Variants in NME8 observed in about 807,000 individuals in gnomAD.
The protein encoded by NME8 is protein NME8.
A neutral mutation model predicts 82.3 loss-of-function variants in NME8; 72 were observed. The ratio of observed to expected loss-of-function variants is 0.87; its 90% confidence interval spans 0.72 to 1.06. NME8 has a LOEUF of 1.06. Ranked by LOEUF, NME8 falls within the 50% of genes least tolerant of loss-of-function variation. The pLI is 0.00. For synonymous variants in NME8, 267 were observed against 228.5 expected, an observed-to-expected ratio of 1.17 and a Z score of -1.52; for missense variants, 712 against 685.4, an observed-to-expected ratio of 1.04 and a Z score of -0.43.
chr7:37,854,582 G>A (rs1354440207), intron 5 of NME8, among the ~76,000 whole-genome samples: 1 of 152,138 alleles, frequency 6.6e-6, no homozygotes, highest in African/African-American at 2.4e-5. Flanking sequence ...AAGGGTCCAT[G>A]TCATAAATGA....
At chr7:37,875,958 A>C (rs1002494916) in intron 11 of NME8, among the ~76,000 whole-genome samples, 34 of 152,170 alleles carry the variant, frequency 2.2e-4, no homozygotes, top group African/African-American at 6.8e-4. Flanking sequence ...CTATAATCCC[A>C]GCACTTTGGG....
chr7:37,884,283 A>G lies in NME8; in HGVS notation c.995-20A>G. 1 of 1,494,268 alleles carries G rather than the reference A, an allele frequency of 6.7e-7. No homozygotes were observed. Among genetic ancestry groups the G allele is most frequent in the Non-Finnish European group, 9.3e-7 (1 of 1,071,706 alleles). The allele number at this position is 1,494,268 out of a possible 1,614,324, so 92.6% of individuals were successfully genotyped here. ...GTAATCTACCAGTTTAAAACTTATT[A>G]TGTAACTGTTTTTATTTAGATGATG... On this transcript the variant is annotated intron_variant, in intron 12 of 17. Transcript: ENST00000199447.
chr7:37,871,302 G>A (rs1026474466), intron 11 of NME8, among the ~76,000 whole-genome samples: 9 of 152,180 alleles, frequency 5.9e-5, no homozygotes, highest in Non-Finnish European at 1.3e-4. Flanking sequence ...GGTGGGGGAA[G>A]AGCCAGGGAA....
chr7:37,897,804 T>G (rs747941333), intron 17 of NME8, among the ~76,000 whole-genome samples: 3 of 152,142 alleles, frequency 2.0e-5, no homozygotes, highest in Admixed American at 1.3e-4. Flanking sequence ...CTGAAGATGG[T>G]GACTTCCAGT....
intron 12 of NME8, among the ~76,000 whole-genome samples, chr7:37,878,302 C>T (rs1285020775): frequency 6.6e-6 from 1 of 152,048 alleles, no homozygotes. Context: ...CAGAAAAATC[C>T]CACTTGGCTG....
chr7:37,882,593 AAGAAAGAGAGAGAGAGAG>A (rs1243357906), intron 12 of NME8, among the ~76,000 whole-genome samples: 16 of 51,856 alleles, frequency 3.1e-4, no homozygotes, highest in South Asian at 2.8e-3. Flanking sequence ...GAAAGAAAGA[AAGAAAGAGAGAGAGAGAG>A]AGAGAAAGAA....
chr7:37,889,410 T>C (rs890526319), intron 15 of NME8, among the ~76,000 whole-genome samples: 2 of 151,712 alleles, frequency 1.3e-5, no homozygotes, highest in Non-Finnish European at 2.9e-5. Context: ...TTTTCTTATG[T>C]TCTTCTAGCT....
chr7:37,849,869 C>CAAA (rs869133999), intron 2 of NME8, among the ~76,000 whole-genome samples: 1 of 39,892 alleles, frequency 2.5e-5, no homozygotes. Flanking sequence ...GACTATGTCT[C>CAAA]AAAAAAAAAA....
chr7:37,861,834 G>A (rs1784601312), intron 6 of NME8, among the ~76,000 whole-genome samples, 194 bp from the exon 7 acceptor site: 1 of 152,174 alleles, frequency 6.6e-6, no homozygotes, highest in South Asian at 2.1e-4. Flanking sequence ...AGAACTCAAA[G>A]AGCTGAGTTT....
At chr7:37,894,060 T>C (rs924444485) in intron 15 of NME8, among the ~76,000 whole-genome samples, 2 of 152,192 alleles carry the variant, frequency 1.3e-5, no homozygotes, top group African/African-American at 4.8e-5. Context: ...TTTGTTTAAT[T>C]CCCTCGATGG....
At chr7:37,896,767 A>G (rs2131977473) in intron 16 of NME8, 103 bp from the exon 17 acceptor site, 1 of 935,196 alleles carries the variant, frequency 1.1e-6, no homozygotes, top group East Asian at 2.4e-5. Flanking sequence ...AAAGAATAAA[A>G]AGGAGCTCCC....
intron 5 of NME8, among the ~76,000 whole-genome samples, chr7:37,853,821 T>C (rs1784471232): frequency 6.6e-6 from 1 of 152,034 alleles, no homozygotes; most frequent in African/African-American, 2.4e-5. Context: ...AGTATACAAT[T>C]TTTTTCTGCT....
At chr7:37,852,697 A>G (rs1435667812) in intron 5 of NME8, among the ~76,000 whole-genome samples, 1 of 152,136 alleles carries the variant, frequency 6.6e-6, no homozygotes, top group Non-Finnish European at 1.5e-5. Context: ...ATAATACTTC[A>G]TTATCTGGAT....
chr7:37,894,038 G>C (rs3807184), intron 15 of NME8, among the ~76,000 whole-genome samples: 27,852 of 152,152 alleles, frequency 0.18, 2,830 homozygotes, highest in South Asian at 0.24. Context: ...GTGAGATTTT[G>C]ACAACATTTG....
At chr7:37,869,838 A>G (rs1472375495) in intron 11 of NME8, among the ~76,000 whole-genome samples, 1 of 152,098 alleles carries the variant, frequency 6.6e-6, no homozygotes. Context: ...GCGCTTTGAC[A>G]TGCTGAACTG....
At chr7:37,870,588 CAAAAAA>C (rs35884288) in intron 11 of NME8, among the ~76,000 whole-genome samples, 1 of 97,634 alleles carries the variant, frequency 1.0e-5, no homozygotes, top group Admixed American at 1.1e-4. Flanking sequence ...GACTCCATCT[CAAAAAA>C]AAAAAAAAAA....
chr7:37,891,799 G>A (rs1446431137), intron 15 of NME8, among the ~76,000 whole-genome samples: 3 of 152,062 alleles, frequency 2.0e-5, no homozygotes, highest in African/African-American at 7.2e-5. Flanking sequence ...AACAAAAAAA[G>A]TTGGGATGGA....
At chr7:37,860,913 T>C (rs1239083789) in intron 6 of NME8, among the ~76,000 whole-genome samples, 1 of 152,228 alleles carries the variant, frequency 6.6e-6, no homozygotes, top group Non-Finnish European at 1.5e-5. Flanking sequence ...TTGTGACATC[T>C]CTTTACATCA....
At chr7:37,857,205 C>T (rs1784524122) in intron 5 of NME8, 69 bp from the exon 6 acceptor site, 1 of 1,186,564 alleles carries the variant, frequency 8.4e-7, no homozygotes, top group Admixed American at 1.8e-5. Flanking sequence ...TGCATTGTTT[C>T]AACATAGTGT....
Sources: gnomAD v4.1 joint callset for allele counts (sites outside exome capture counted in the v4.1 genomes callset) on GRCh38, gnomAD v4.1.1 for gene constraint, MANE v1.5 for transcripts, NCBI Gene and HGNC (gene_info 2026-07-23, HGNC 2026-07-21) for gene names.